Variants in MSI2 observed in about 807,000 individuals in gnomAD.
The protein encoded by MSI2 is musashi RNA binding protein 2.
In MSI2, 17 loss-of-function variants were observed where a neutral mutation model predicts 45.6. The observed-to-expected ratio is 0.37, with a 90% CI of 0.26 to 0.56. The LOEUF is 0.56. Ranked by LOEUF, MSI2 falls within the 20% of genes least tolerant of loss-of-function variation. MSI2 has a pLI of 0.77. For missense variants in MSI2, 293 were observed against 444.2 expected (o/e 0.66, Z 3.06); for synonymous variants, 156 against 158.2 (o/e 0.99, Z 0.11).
intron 5 of MSI2, chr17:57,266,010 G>A (rs1160083380): frequency 1.3e-5 from 2 of 152,180 alleles, no homozygotes; most frequent in Non-Finnish European, 1.5e-5. Context: ...AGGTCTGGGT[G>A]TACTCACCAT....
chr17:57,521,780 A>G (rs568015814), intron 6 of MSI2, among the ~76,000 whole-genome samples: 2 of 152,118 alleles, frequency 1.3e-5, no homozygotes, highest in South Asian at 4.2e-4. Flanking sequence ...CGGGCTGCCC[A>G]CTCCAGAGTA....
chr17:57,399,988 C>G (rs2083959684), intron 5 of MSI2, among the ~76,000 whole-genome samples: 1 of 152,202 alleles, frequency 6.6e-6, no homozygotes, highest in Non-Finnish European at 1.5e-5. Context: ...TGATGACTGA[C>G]CCGGGCAGCC....
chr17:57,410,411 G>A (rs1337809080), intron 6 of MSI2, among the ~76,000 whole-genome samples: 1 of 152,106 alleles, frequency 6.6e-6, no homozygotes, highest in Non-Finnish European at 1.5e-5. Context: ...GCCGGCAAGT[G>A]TTAGATGAGC....
intron 7 of MSI2, among the ~76,000 whole-genome samples, chr17:57,574,750 T>G (rs375196472): frequency 1.3e-4 from 20 of 152,310 alleles, no homozygotes; most frequent in African/African-American, 4.6e-4. Context: ...GAGCTTCGGT[T>G]TCATCAGTCT....
intron 5 of MSI2, among the ~76,000 whole-genome samples, chr17:57,368,964 TG>T (rs901354680): frequency 6.6e-6 from 1 of 152,154 alleles, no homozygotes; most frequent in Non-Finnish European, 1.5e-5. Flanking sequence ...CCCCAGTCTG[TG>T]GGGGTCAGAA....
At chr17:57,444,171 C>T (rs1298834575) in intron 6 of MSI2, among the ~76,000 whole-genome samples, 1 of 152,158 alleles carries the variant, frequency 6.6e-6, no homozygotes, top group Non-Finnish European at 1.5e-5. Context: ...CTGCAGAATT[C>T]CTGCACATGG....
intron 6 of MSI2, among the ~76,000 whole-genome samples, chr17:57,497,095 G>A (rs139943352): frequency 4.3e-4 from 66 of 152,164 alleles, no homozygotes; most frequent in Admixed American, 1.2e-3. Flanking sequence ...CTCCTGCCTC[G>A]CCTCCCAAGT....
intron 8 of MSI2, among the ~76,000 whole-genome samples, chr17:57,607,921 A>C (rs1906807892): frequency 6.6e-6 from 1 of 152,200 alleles, no homozygotes; most frequent in South Asian, 2.1e-4. Context: ...ATCACCAAGC[A>C]GGTGGCCCAA....
intron 5 of MSI2, among the ~76,000 whole-genome samples, chr17:57,328,932 A>G (rs1172350499): frequency 1.3e-5 from 2 of 152,122 alleles, no homozygotes; most frequent in Non-Finnish European, 2.9e-5. Flanking sequence ...GGGGGCCCCG[A>G]TAGGAATATA....
At chr17:57,573,151 C>T (rs1211536020) in intron 7 of MSI2, among the ~76,000 whole-genome samples, 1 of 152,078 alleles carries the variant, frequency 6.6e-6, no homozygotes, top group African/African-American at 2.4e-5. Flanking sequence ...CAGTGTCTGC[C>T]CTTATTTGTC....
chr17:57,323,376 G>A (rs984899001), intron 5 of MSI2, among the ~76,000 whole-genome samples: 2 of 152,240 alleles, frequency 1.3e-5, no homozygotes, highest in Non-Finnish European at 2.9e-5. Context: ...TGCCTGAGAA[G>A]CACCTTGGGT....
the MSI2 span, among the ~76,000 whole-genome samples, chr17:57,699,856 C>G: frequency 6.6e-6 from 1 of 152,378 alleles, no homozygotes; most frequent in East Asian, 1.9e-4. Context: ...CTCGCCACCC[C>G]TCCCACAGGT....
chr17:57,260,623 C>T (rs72829001), intron 4 of MSI2, among the ~76,000 whole-genome samples: 3,483 of 151,624 alleles, frequency 0.023, 63 homozygotes, highest in Non-Finnish European at 0.035. Flanking sequence ...GTGCTGGACA[C>T]ACCTGTAGAT....
chr17:57,303,670 C>T (rs1008637718), intron 5 of MSI2, among the ~76,000 whole-genome samples: 13 of 152,278 alleles, frequency 8.5e-5, no homozygotes, highest in African/African-American at 2.2e-4. Flanking sequence ...CTACATCACT[C>T]GGAATACCTG....
chr17:57,461,614 C>T (rs2085231214), intron 6 of MSI2, among the ~76,000 whole-genome samples: 1 of 151,142 alleles, frequency 6.6e-6, no homozygotes, highest in Non-Finnish European at 1.5e-5. Context: ...CAGCTGACAG[C>T]AACCTCCACC....
At chr17:57,623,801 G>A (rs909893937) in intron 9 of MSI2, among the ~76,000 whole-genome samples, 2 of 152,218 alleles carry the variant, frequency 1.3e-5, no homozygotes, top group Admixed American at 1.3e-4. Context: ...AATTTCCCCC[G>A]TGTGGCTGGG....
intron 7 of MSI2, among the ~76,000 whole-genome samples, chr17:57,591,663 A>T (rs749714305): frequency 6.6e-5 from 10 of 151,510 alleles, no homozygotes; most frequent in Non-Finnish European, 1.3e-4. Context: ...GGAGATCAAG[A>T]CTGCAATGAG....
At chr17:57,354,333 T>A (rs1206497823) in intron 5 of MSI2, among the ~76,000 whole-genome samples, 1 of 152,140 alleles carries the variant, frequency 6.6e-6, no homozygotes, top group Non-Finnish European at 1.5e-5. Context: ...GCTCTTTGAA[T>A]GGCTGGGAAG....
At chr17:57,258,232 TTTC>T (rs755196561) in intron 3 of MSI2, 35 bp from the exon 4 acceptor site, 76 of 1,594,090 alleles carry the variant, frequency 4.8e-5, no homozygotes, top group Non-Finnish European at 6.2e-5. Context: ...GGTGTCACAT[TTTC>T]TTGTTTGTTT....
Sources: gnomAD v4.1 joint callset for allele counts (sites outside exome capture counted in the v4.1 genomes callset) on GRCh38, gnomAD v4.1.1 for gene constraint, MANE v1.5 for transcripts, NCBI Gene and HGNC (gene_info 2026-07-23, HGNC 2026-07-21) for gene names.